SPOCK3: variants seen among roughly 807,000 people sequenced by gnomAD.
SPOCK3 encodes the protein testican-3.
SPOCK3 carries 30 observed loss-of-function variants against 56.6 expected under a neutral mutation model. That is an observed-to-expected ratio of 0.53 (90% CI 0.40 to 0.72). SPOCK3 has a LOEUF of 0.72. Ranked by LOEUF, SPOCK3 falls within the 30% of genes least tolerant of loss-of-function variation. The pLI, the probability that SPOCK3 is intolerant of heterozygous loss-of-function variation, is 0.00. For synonymous variants in SPOCK3, 196 were observed against 183.3 expected, an observed-to-expected ratio of 1.07 and a Z score of -0.56; for missense variants, 527 against 530.0, an observed-to-expected ratio of 0.99 and a Z score of 0.06.
intron 4 of SPOCK3, among the ~76,000 whole-genome samples, chr4:166,950,285 C>A (rs1742385177): frequency 6.6e-6 from 1 of 151,436 alleles, no homozygotes; most frequent in South Asian, 2.1e-4. Flanking sequence ...GGGTTGCAAT[C>A]CTAGTCTCTG....
intron 6 of SPOCK3, among the ~76,000 whole-genome samples, chr4:166,878,469 T>G (rs1733334562): frequency 6.6e-6 from 1 of 151,758 alleles, no homozygotes; most frequent in Non-Finnish European, 1.5e-5. Context: ...TTAAAATTTT[T>G]AAAATGTATA....
intron 6 of SPOCK3, among the ~76,000 whole-genome samples, chr4:166,823,816 C>T (rs1024850179): frequency 1.3e-5 from 2 of 152,030 alleles, no homozygotes; most frequent in African/African-American, 4.8e-5. Flanking sequence ...GGCTGAGACT[C>T]ATTACCTCCA....
rs761831184 is a variant in SPOCK3 at position 167,000,334 on chromosome 4, T to C, written c.350+15A>G. 4 of 1,355,268 alleles carry C rather than the reference T, an allele frequency of 3.0e-6. No homozygotes were observed. 84.0% of individuals were successfully genotyped at this position (1,355,268 alleles called of 1,614,324 possible). A position where few individuals can be genotyped will look rare whatever the true frequency, so the allele number is the denominator to read the frequency against. On this transcript the variant is annotated intron_variant, in intron 4 of 10. Transcript: ENST00000357545. ...GCGCTGTTCAATCAGTGGGATTAAA[T>C]TTAACAATGTTTACCTGTGTGTAAG...
In SPOCK3 at chr4:167,205,530, T is replaced by TTATATAATATATATTATATAA. The variant is rs1379429777; in HGVS notation, c.189+28434_189+28454dup. On this transcript the variant is annotated intron_variant, in intron 2 of 10. Coordinates refer to ENST00000357545, the MANE Select transcript of SPOCK3 (RefSeq NM_001040159.2). ...TATATAATATATATTATATATATTA[T>TTATATAATATATATTATATAA]TATATAATATATATTATATAATATA... is the stretch of plus-strand genomic sequence containing the variant. 1.8e-3 allele frequency among the ~76,000 whole-genome samples: 109 copies of TTATATAATATATATTATATAA among 60,196 alleles called. 1 individual carries two copies. The highest frequency in any genetic ancestry group is 2.6e-3 in the Non-Finnish European group (94 of 36,380). The allele number at this position is 60,196 out of a possible 152,430, so 39.5% of individuals were successfully genotyped here. A position where few individuals can be genotyped will look rare whatever the true frequency, so the allele number is the denominator to read the frequency against.
chr4:166,752,923 T>C (rs1231419100), intron 8 of SPOCK3, among the ~76,000 whole-genome samples: 1 of 152,006 alleles, frequency 6.6e-6, no homozygotes, highest in Non-Finnish European at 1.5e-5. Context: ...AAACTATTTC[T>C]GCTATGCATT....
chr4:166,936,875 T>C (rs1740462689), intron 4 of SPOCK3, among the ~76,000 whole-genome samples: 1 of 152,132 alleles, frequency 6.6e-6, no homozygotes, highest in South Asian at 2.1e-4. Flanking sequence ...CGAATTTATC[T>C]ATATTCCAAA....
intron 2 of SPOCK3, among the ~76,000 whole-genome samples, chr4:167,226,670 T>C (rs1425621525): frequency 6.6e-6 from 1 of 151,926 alleles, no homozygotes; most frequent in Non-Finnish European, 1.5e-5. Flanking sequence ...TTCAGGCCTG[T>C]GGGATACAAG....
At chr4:166,805,272 T>C (rs1743037386) in intron 6 of SPOCK3, among the ~76,000 whole-genome samples, 1 of 152,108 alleles carries the variant, frequency 6.6e-6, no homozygotes, top group African/African-American at 2.4e-5. Context: ...ACAATGTTAC[T>C]CTTTTTAAAA....
intron 6 of SPOCK3, among the ~76,000 whole-genome samples, chr4:166,878,390 A>T (rs182890571): frequency 6.6e-6 from 1 of 152,188 alleles, no homozygotes; most frequent in African/African-American, 2.4e-5. Flanking sequence ...TTTCATGAAA[A>T]TTTGGCTCCC....
At chr4:166,745,593 T>C (rs1735506690) in intron 8 of SPOCK3, among the ~76,000 whole-genome samples, 1 of 152,128 alleles carries the variant, frequency 6.6e-6, no homozygotes, top group Admixed American at 6.6e-5. Context: ...ATAGGCAAAA[T>C]AAGCAGCTAA....
intron 2 of SPOCK3, among the ~76,000 whole-genome samples, chr4:167,132,340 A>T (rs983340278): frequency 3.3e-5 from 5 of 152,194 alleles, no homozygotes; most frequent in African/African-American, 4.8e-5. Flanking sequence ...TTATCTTTCA[A>T]TTGTTATCAC....
rs562520652 is a variant in SPOCK3 at position 166,751,973 on chromosome 4, A to AT, written c.931+2534dup. ...TTTGTTTCTCAATTAAAATTATAAC[A>AT]TTTTTTTCCCTTGGAAAACTACAAA... On this transcript the variant is annotated intron_variant, in intron 8 of 10. Coordinates refer to ENST00000357545, the MANE Select transcript of SPOCK3 (RefSeq NM_001040159.2). 1.9e-3 allele frequency among the ~76,000 whole-genome samples: 289 copies of AT among 152,136 alleles called. 4 individuals are homozygous for AT. The highest frequency in any genetic ancestry group is 6.5e-3 in the African/African-American group (270 of 41,506).
intron 4 of SPOCK3, among the ~76,000 whole-genome samples, chr4:166,918,146 A>AT (rs557556495): frequency 3.0e-4 from 45 of 152,260 alleles, no homozygotes; most frequent in African/African-American, 9.6e-4. Flanking sequence ...CTTTTATTAC[A>AT]TTTTGCCATG....
At chr4:167,060,518 C>G (rs1157840481) in intron 3 of SPOCK3, among the ~76,000 whole-genome samples, 1 of 152,012 alleles carries the variant, frequency 6.6e-6, no homozygotes, top group African/African-American at 2.4e-5. Flanking sequence ...ATACACATAT[C>G]TCAATCTAAT....
intron 2 of SPOCK3, among the ~76,000 whole-genome samples, chr4:167,098,397 A>G (rs1302401890): frequency 6.6e-6 from 1 of 151,850 alleles, no homozygotes; most frequent in East Asian, 1.9e-4. Flanking sequence ...TAATTTTTAA[A>G]TGTTCCTAGA....
intron 4 of SPOCK3, among the ~76,000 whole-genome samples, chr4:166,916,504 C>A (rs926859011): frequency 1.3e-5 from 2 of 152,132 alleles, no homozygotes; most frequent in African/African-American, 4.8e-5. Context: ...CTGCTACATT[C>A]ATTTACTCAT....
At chr4:166,923,567 T>C (rs11943293) in intron 4 of SPOCK3, among the ~76,000 whole-genome samples, 58,617 of 151,974 alleles carry the variant, frequency 0.39, 12,700 homozygotes, top group East Asian at 0.7. Flanking sequence ...TTGCCCTGTC[T>C]AATCAATTCT....
At chr4:166,886,351 A>G (rs1444144979) in intron 6 of SPOCK3, among the ~76,000 whole-genome samples, 2 of 152,172 alleles carry the variant, frequency 1.3e-5, no homozygotes, top group Non-Finnish European at 2.9e-5. Flanking sequence ...TGGCCTGTGT[A>G]ATACTAAATT....
intron 2 of SPOCK3, among the ~76,000 whole-genome samples, chr4:167,125,518 C>T (rs1306130476): frequency 2.0e-5 from 3 of 151,488 alleles, no homozygotes; most frequent in Middle Eastern, 3.4e-3. Flanking sequence ...TTGAGACCAT[C>T]CTGGCTAACA....
Sources: gnomAD v4.1 joint callset for allele counts (sites outside exome capture counted in the v4.1 genomes callset) on GRCh38, gnomAD v4.1.1 for gene constraint, MANE v1.5 for transcripts, NCBI Gene and HGNC (gene_info 2026-07-23, HGNC 2026-07-21) for gene names.